The following CADPS variants were observed in gnomAD, a reference collection of about 807,000 sequenced individuals.
The protein encoded by CADPS is calcium dependent secretion activator, also known as calcium-dependent secretion activator 1.
CADPS carries 57 observed loss-of-function variants against 167.3 expected under a neutral mutation model. That is an observed-to-expected ratio of 0.34 (90% CI 0.28 to 0.42). The LOEUF (loss-of-function observed/expected upper bound fraction) is 0.42, where lower values mean the gene tolerates loss of function less well. CADPS is among the 20% of genes least tolerant of loss of function. The pLI, the probability that CADPS is intolerant of heterozygous loss-of-function variation, is 1.00. For missense variants in CADPS, 1,414 were observed against 1,738.1 expected, an observed-to-expected ratio of 0.81 and a Z score of 3.32; for synonymous variants, 676 against 635.3, an observed-to-expected ratio of 1.06 and a Z score of -0.96.
intron 13 of CADPS, among the ~76,000 whole-genome samples, chr3:62,528,404 C>T (rs187999905): frequency 6.6e-6 from 1 of 152,298 alleles, no homozygotes; most frequent in African/African-American, 2.4e-5. Context: ...CATATATCAA[C>T]AGCACTTCAC....
chr3:62,674,192 T>G (rs1034373901), intron 3 of CADPS, among the ~76,000 whole-genome samples: 1 of 152,138 alleles, frequency 6.6e-6, no homozygotes, highest in Non-Finnish European at 1.5e-5. Flanking sequence ...GTAAAAAACA[T>G]TCAGATCTGT....
chr3:62,785,791 CTGAACCA>C (rs1382202465), intron 1 of CADPS, among the ~76,000 whole-genome samples: 1 of 152,012 alleles, frequency 6.6e-6, no homozygotes, highest in African/African-American at 2.4e-5. Flanking sequence ...TTTATCAACA[CTGAACCA>C]TGACCTGTGC....
At chr3:62,681,500 C>T (rs2077153002) in intron 3 of CADPS, among the ~76,000 whole-genome samples, 1 of 152,016 alleles carries the variant, frequency 6.6e-6, no homozygotes, top group African/African-American at 2.4e-5. Flanking sequence ...TTCTATTGCC[C>T]TTCCACTGGC....
At chr3:62,594,494 C>T (rs1001639292) in intron 6 of CADPS, among the ~76,000 whole-genome samples, 1 of 152,160 alleles carries the variant, frequency 6.6e-6, no homozygotes, top group African/African-American at 2.4e-5. Context: ...TATAATATTA[C>T]ACTTTCTATA....
chr3:62,409,197 A>T (rs899917798), intron 28 of CADPS, among the ~76,000 whole-genome samples: 2 of 152,232 alleles, frequency 1.3e-5, no homozygotes, highest in Non-Finnish European at 2.9e-5. Flanking sequence ...GTGGTGGGAC[A>T]AGTTTCAAGT....
At chr3:62,598,839 G>C (rs774109451) in intron 6 of CADPS, among the ~76,000 whole-genome samples, 1 of 152,160 alleles carries the variant, frequency 6.6e-6, no homozygotes, top group African/African-American at 2.4e-5. Flanking sequence ...AGTTACCTCT[G>C]TAACTGAAAA....
chr3:62,823,311 G>A (rs1257869797), intron 1 of CADPS, among the ~76,000 whole-genome samples: 1 of 152,068 alleles, frequency 6.6e-6, no homozygotes, highest in Non-Finnish European at 1.5e-5. Flanking sequence ...TCCCAAACCT[G>A]CTGGAAAAAT....
At chr3:62,734,832 T>C (rs1356039542) in intron 3 of CADPS, among the ~76,000 whole-genome samples, 1 of 152,214 alleles carries the variant, frequency 6.6e-6, no homozygotes, top group Non-Finnish European at 1.5e-5. Context: ...ATGGAACTAC[T>C]GAGCTTTATC....
intron 28 of CADPS, among the ~76,000 whole-genome samples, chr3:62,431,398 C>T (rs775038193): frequency 6.6e-6 from 1 of 152,044 alleles, no homozygotes; most frequent in Admixed American, 6.6e-5. Context: ...TTAGCCCCCC[C>T]TCAATCTTTT....
intron 3 of CADPS, among the ~76,000 whole-genome samples, chr3:62,738,738 T>A (rs1230375434): frequency 1.3e-5 from 2 of 152,040 alleles, no homozygotes; most frequent in African/African-American, 4.8e-5. Flanking sequence ...AAAAATAAAA[T>A]AAAATAAAAT....
intron 1 of CADPS, among the ~76,000 whole-genome samples, chr3:62,820,947 C>T (rs111274131): frequency 2.6e-5 from 4 of 152,028 alleles, no homozygotes; most frequent in South Asian, 2.1e-4. Flanking sequence ...ACTACAGGCA[C>T]GTGCCACCAT....
At chr3:62,759,741 A>T (rs549410067) in intron 2 of CADPS, among the ~76,000 whole-genome samples, 1 of 152,170 alleles carries the variant, frequency 6.6e-6, no homozygotes, top group African/African-American at 2.4e-5. Flanking sequence ...GTTATCTAGG[A>T]TGATGGGATT....
At chr3:62,415,015 T>C (rs1239723922) in intron 28 of CADPS, among the ~76,000 whole-genome samples, 5 of 152,164 alleles carry the variant, frequency 3.3e-5, no homozygotes, top group Admixed American at 2.0e-4. Flanking sequence ...CCCTCCCGTC[T>C]GATGCTTTGT....
chr3:62,854,338 G>A (rs1278107375), intron 1 of CADPS, among the ~76,000 whole-genome samples: 2 of 152,200 alleles, frequency 1.3e-5, no homozygotes, highest in African/African-American at 4.8e-5. Context: ...AGCAATCAAT[G>A]TATCTGGTGG....
At chr3:62,444,757 G>A (rs2056932875) in intron 27 of CADPS, among the ~76,000 whole-genome samples, 1 of 152,084 alleles carries the variant, frequency 6.6e-6, no homozygotes, top group Non-Finnish European at 1.5e-5. Context: ...AAATAAGCCA[G>A]TAAACCATTA....
intron 28 of CADPS, among the ~76,000 whole-genome samples, chr3:62,434,608 TGC>T (rs2054615807): frequency 6.6e-6 from 1 of 152,062 alleles, no homozygotes. Flanking sequence ...TAGATAAAAA[TGC>T]AGAACATCAA....
chr3:62,441,803 T>C (rs1449694921), intron 27 of CADPS, among the ~76,000 whole-genome samples: 2 of 152,314 alleles, frequency 1.3e-5, no homozygotes, highest in East Asian at 1.9e-4. Context: ...ACCCCAAAGA[T>C]GCTGTTTCAA....
chr3:62,685,413 A>G (rs1453937239), intron 3 of CADPS, among the ~76,000 whole-genome samples: 1 of 152,004 alleles, frequency 6.6e-6, no homozygotes, highest in Non-Finnish European at 1.5e-5. Context: ...GTGCCATATA[A>G]ATAAAAAAAC....
At position 62,874,715 on chromosome 3, in the gene CADPS, C is replaced by T. The variant is rs1208822649; in HGVS notation, c.315G>A (p.Leu105=). 6.5e-7 allele frequency: 1 copy of T among 1,541,270 alleles called. No individual in the cohort carries two copies. The highest frequency in any genetic ancestry group is 1.9e-5 in the Admixed American group (1 of 51,302). ...CCTCCTCCTCTTTCTGCAGCCGCTC[C>T]AACTCTTCCTTCTCCTTCTCGCTCA... ...SVVSEKEKEE[L]ERLQKEEEER... is the part of the protein sequence containing the mutation. The change falls in exon 1 of 30, where the codon TTG becomes TTA. Residue 105 remains leucine (L), a synonymous_variant. Coordinates refer to ENST00000383710, the MANE Select transcript of CADPS (RefSeq NM_003716.4). This position sits in a 1 kb window ranked among gnomAD's most constrained non-coding sequence, Gnocchi z 7.1.
Sources: gnomAD v4.1 joint callset for allele counts (sites outside exome capture counted in the v4.1 genomes callset) on GRCh38, gnomAD v4.1.1 for gene constraint, Gnocchi (gnomAD v3.1) non-coding constraint, MANE v1.5 for transcripts, NCBI Gene and HGNC (gene_info 2026-07-23, HGNC 2026-07-21) for gene names.